Variants in NHLRC2 observed in about 807,000 individuals in gnomAD.
NHLRC2 encodes NHL repeat-containing protein 2.
NHLRC2 carries 33 observed loss-of-function variants against 68.1 expected under a neutral mutation model. That is an observed-to-expected ratio of 0.48 (90% confidence interval 0.37 to 0.65). The LOEUF (loss-of-function observed/expected upper bound fraction) is 0.65. Among genes scored for constraint, NHLRC2 ranks in the 30% least tolerant of loss-of-function variants. The pLI is 0.00. For synonymous variants in NHLRC2, 311 were observed against 309.6 expected, an observed-to-expected ratio of 1.00 and a Z score of -0.05; for missense variants, 761 against 853.8, an observed-to-expected ratio of 0.89 and a Z score of 1.35.
chr10:113,882,687 T>C (rs1846046174), intron 4 of NHLRC2, among the ~76,000 whole-genome samples: 1 of 151,816 alleles, frequency 6.6e-6, no homozygotes, highest in South Asian at 2.1e-4. Context: ...ATTGAAGTTT[T>C]AAATTTTGAT....
chr10:113,903,881 A>G, intron 9 of NHLRC2, 145 bp downstream of exon 9: 1 of 605,896 alleles, frequency 1.7e-6, no homozygotes, highest in Non-Finnish European at 3.0e-6. Context: ...TGACAAAGAG[A>G]CCAGCAGGAC....
chr10:113,885,303 T>G (rs959984226), intron 5 of NHLRC2, among the ~76,000 whole-genome samples: 77 of 152,024 alleles, frequency 5.1e-4, no homozygotes, highest in African/African-American at 1.8e-3. Context: ...ACTTAAGTAT[T>G]TTGTGTAGGT....
intron 2 of NHLRC2, among the ~76,000 whole-genome samples, chr10:113,867,846 C>T (rs1484342799): frequency 2.0e-5 from 3 of 152,140 alleles, no homozygotes; most frequent in East Asian, 1.9e-4. Flanking sequence ...TTAAACTACA[C>T]GTTCTACTAT....
At chr10:113,859,313 AAAAG>A (rs1302711661) in intron 2 of NHLRC2, among the ~76,000 whole-genome samples, 2 of 152,172 alleles carry the variant, frequency 1.3e-5, no homozygotes, top group Non-Finnish European at 2.9e-5. Flanking sequence ...ACTTTCTAAA[AAAAG>A]AACATGGGAG....
intron 7 of NHLRC2, 34 bp downstream of exon 7, chr10:113,901,931 A>G: frequency 7.3e-7 from 1 of 1,373,646 alleles, no homozygotes; most frequent in African/African-American, 1.4e-5. Context: ...GTGCGCTCGG[A>G]CACTGAGCAA....
intron 5 of NHLRC2, among the ~76,000 whole-genome samples, chr10:113,886,377 G>GA (rs761976563): frequency 1.8e-4 from 27 of 152,050 alleles, no homozygotes; most frequent in South Asian, 6.2e-4. Flanking sequence ...CTTAGAAATA[G>GA]AAAAAAACTA....
rs1204480221 is a variant in NHLRC2, at chr10:113,914,608, T to C, written c.*6072T>C. Reference sequence around the variant, plus strand: ...TAGTAGTATGGTGCAGTAAGGAATTTTGTTAATTTTGTTATAAACTCCCTC... The same window carrying C: ...TAGTAGTATGGTGCAGTAAGGAATTCTGTTAATTTTGTTATAAACTCCCTC... On this transcript the variant is annotated 3_prime_UTR_variant, in exon 11 of 11. Coordinates refer to ENST00000369301, the MANE Select transcript of NHLRC2 (RefSeq NM_198514.4). 2.7e-5 allele frequency: 6 copies of C among 220,288 alleles called. No individual in the cohort carries two copies. Among genetic ancestry groups the C allele is most frequent in the South Asian group, 6.9e-5 (1 of 14,552 alleles). 13.6% of individuals were successfully genotyped at this position (220,288 alleles called of 1,614,324 possible).
chr10:113,878,346 A>G (rs1846004542), intron 3 of NHLRC2, among the ~76,000 whole-genome samples: 2 of 152,286 alleles, frequency 1.3e-5, no homozygotes, highest in South Asian at 2.1e-4. Context: ...AGTAGACACT[A>G]TATGTCTGGC....
At chr10:113,864,064 TTC>T (rs1220581433) in intron 2 of NHLRC2, among the ~76,000 whole-genome samples, 2 of 152,158 alleles carry the variant, frequency 1.3e-5, no homozygotes, top group African/African-American at 4.8e-5. Flanking sequence ...TGGAAGGAAA[TTC>T]TAACATGGAT....
At position 113,915,150 on chromosome 10, in the gene NHLRC2, C is replaced by A. The variant is rs1273997672; in HGVS notation, c.*6614C>A. Reference sequence around the variant, plus strand: ...TGTTTGCCTGGTTGTATTGGTGTGTCCCTCTTCTTCACTGGCATGTCGCTT... The same window carrying A: ...TGTTTGCCTGGTTGTATTGGTGTGTACCTCTTCTTCACTGGCATGTCGCTT... On this transcript the variant is annotated 3_prime_UTR_variant, in exon 11 of 11. Transcript: ENST00000369301. 2.2e-6 allele frequency: 1 copy of A among 456,242 alleles called. No individual in the cohort carries two copies. Among genetic ancestry groups the A allele is most frequent in the Admixed American group, 2.3e-5 (1 of 42,574 alleles). The allele number at this position is 456,242 out of a possible 1,614,324, so 28.3% of individuals were successfully genotyped here.
intron 2 of NHLRC2, among the ~76,000 whole-genome samples, chr10:113,872,118 A>G (rs1462673473): frequency 1.3e-5 from 2 of 152,174 alleles, no homozygotes; most frequent in Non-Finnish European, 2.9e-5. Flanking sequence ...AGCTCTTACA[A>G]GAGTGCAGGA....
intron 2 of NHLRC2, among the ~76,000 whole-genome samples, chr10:113,868,357 CA>C (rs1845889293): frequency 2.0e-5 from 3 of 152,050 alleles, no homozygotes; most frequent in Admixed American, 2.0e-4. Context: ...GCAAAGGATT[CA>C]TAAAGGGCAG....
At chr10:113,880,185 C>T (rs1010338447) in intron 4 of NHLRC2, among the ~76,000 whole-genome samples, 2 of 151,924 alleles carry the variant, frequency 1.3e-5, no homozygotes, top group Non-Finnish European at 2.9e-5. Flanking sequence ...AAAAAGTCCC[C>T]TGACCATCAA....
In NHLRC2 at chr10:113,915,236, G is replaced by C. The variant is rs778094738; in HGVS notation, c.*6700G>C. 4.4e-6 allele frequency: 2 copies of C among 456,138 alleles called. No individual in the cohort carries two copies. Among genetic ancestry groups the C allele is most frequent in the African/African-American group, 4.0e-5 (2 of 50,064 alleles). 28.3% of individuals were successfully genotyped at this position (456,138 alleles called of 1,614,324 possible). A position where few individuals can be genotyped will look rare whatever the true frequency, so the allele number is the denominator to read the frequency against. ...GCCACAGGACCAAAAGGAAAATATT[G>C]CAACTATTTGCAAACATACTTCCCT... On this transcript the variant is annotated 3_prime_UTR_variant, in exon 11 of 11. Coordinates refer to ENST00000369301, the MANE Select transcript of NHLRC2 (RefSeq NM_198514.4).
intron 5 of NHLRC2, among the ~76,000 whole-genome samples, chr10:113,889,202 G>C (rs976744135): frequency 6.6e-6 from 1 of 152,108 alleles, no homozygotes; most frequent in South Asian, 2.1e-4. Context: ...TAACGTGCCA[G>C]AATCCCATTA....
intron 10 of NHLRC2, 100 bp from the exon 11 acceptor site, chr10:113,908,180 T>C (rs142686329): frequency 2.3e-6 from 2 of 870,568 alleles, no homozygotes; most frequent in African/African-American, 3.4e-5. Flanking sequence ...AGAGATTTTT[T>C]AATAAATATT....
chr10:113,903,957 T>C (rs188624338), intron 9 of NHLRC2, among the ~76,000 whole-genome samples: 1 of 151,440 alleles, frequency 6.6e-6, no homozygotes, highest in East Asian at 1.9e-4. Flanking sequence ...TTGAGAAAAA[T>C]ACTGGAAATT....
At chr10:113,873,410 A>G (rs1228156677) in intron 2 of NHLRC2, among the ~76,000 whole-genome samples, 1 of 152,202 alleles carries the variant, frequency 6.6e-6, no homozygotes, top group African/African-American at 2.4e-5. Context: ...TGATCAGAGA[A>G]GCACAACTGG....
intron 5 of NHLRC2, among the ~76,000 whole-genome samples, chr10:113,886,925 T>G (rs1386598111): frequency 6.6e-6 from 1 of 152,066 alleles, no homozygotes; most frequent in Non-Finnish European, 1.5e-5. Flanking sequence ...GTTAACAGAA[T>G]GAAGAGACAA....
Sources: allele counts gnomAD v4.1 joint callset (sites outside exome capture counted in the v4.1 genomes callset), GRCh38; gene constraint gnomAD v4.1.1; transcripts MANE v1.5; gene names NCBI Gene and HGNC (gene_info 2026-07-23, HGNC 2026-07-21).